SYNE1: variants seen among roughly 807,000 people sequenced by gnomAD.
SYNE1 encodes the protein nesprin-1.
SYNE1 carries 616 observed loss-of-function variants against 1,111.0 expected under a neutral mutation model. That is an observed-to-expected ratio of 0.55 (90% CI 0.52 to 0.59). The LOEUF is 0.59. Among genes scored for constraint, SYNE1 ranks in the 20% least tolerant of loss-of-function variants. The pLI is 0.00. For synonymous variants in SYNE1, 3,855 were observed against 3,825.8 expected, an observed-to-expected ratio of 1.01 and a Z score of -0.28; for missense variants, 10,006 against 10,417.0, an observed-to-expected ratio of 0.96 and a Z score of 1.72.
intron 14 of SYNE1, among the ~76,000 whole-genome samples, chr6:152,475,796 T>C (rs1463720546): frequency 6.6e-6 from 1 of 152,230 alleles, no homozygotes; most frequent in African/African-American, 2.4e-5. Flanking sequence ...GCTGCAGGAA[T>C]GGTCTTTATA....
chr6:152,401,326 A>C lies in SYNE1; in HGVS notation c.6841T>G (p.Leu2281Val). Residue 2281 changes from leucine (L) to valine (V), a missense_variant, in exon 47 of 146, where the codon TTA becomes GTA. By Grantham distance (32) the Leu-to-Val change is conservative. Coordinates refer to ENST00000367255, the MANE Select transcript of SYNE1 (RefSeq NM_182961.4). Reference protein sequence around the residue: ...PPDLQFIEADLMQKLEHAKEI... With the variant: ...PPDLQFIEADVMQKLEHAKEI... The stretch of plus-strand genomic sequence containing the variant: ...TTGGCATGCTCCAGTTTCTGCATTA[A>C]GTCTGCTTCTATAAACTAAATATCA... The C allele has an allele frequency of 6.2e-7, 1 of 1,613,828 alleles. No homozygotes were observed. The highest frequency in any genetic ancestry group is 8.5e-7 in the Non-Finnish European group (1 of 1,179,998).
chr6:152,478,622 T>G (rs1012871696), intron 14 of SYNE1: 1 of 152,334 alleles, frequency 6.6e-6, no homozygotes, highest in African/African-American at 2.4e-5. Flanking sequence ...TTCTGATTGC[T>G]TCTATTTTCT....
At chr6:152,358,096 T>C (rs893190374) in intron 66 of SYNE1, among the ~76,000 whole-genome samples, 1 of 152,138 alleles carries the variant, frequency 6.6e-6, no homozygotes, top group Non-Finnish European at 1.5e-5. Flanking sequence ...GAAAACCCCA[T>C]CAATTAGATC....
At chr6:152,571,302 G>A (rs991114884) in intron 3 of SYNE1, among the ~76,000 whole-genome samples, 2 of 152,178 alleles carry the variant, frequency 1.3e-5, no homozygotes, top group Admixed American at 1.3e-4. Flanking sequence ...CCTTGGCAAT[G>A]ATCTCTAGCT....
chr6:152,397,501 T>C (rs1481274637), intron 49 of SYNE1, among the ~76,000 whole-genome samples: 3 of 152,184 alleles, frequency 2.0e-5, no homozygotes, highest in Non-Finnish European at 4.4e-5. Flanking sequence ...ATGTCACCTG[T>C]TACTCAGGCA....
At chr6:152,185,300 A>T (rs1461245318) in intron 128 of SYNE1, 1 of 152,376 alleles carries the variant, frequency 6.6e-6, no homozygotes, top group East Asian at 1.9e-4. Context: ...TCTCATCGCC[A>T]GTCCCAGGTA....
chr6:152,606,347 C>T (rs2099614738), intron 3 of SYNE1, among the ~76,000 whole-genome samples: 1 of 152,098 alleles, frequency 6.6e-6, no homozygotes, highest in Admixed American at 6.5e-5. Flanking sequence ...GTCCACTGCC[C>T]CCTGTCCAGA....
rs2080213358 is a variant in SYNE1 at position 152,221,675 on chromosome 6, G to A, written c.21523-116C>T. ...ATGTACATATACTTGTATAAACCAG[G>A]CATGACTTAGCACCAATGCTTTATC... is the stretch of plus-strand genomic sequence containing the variant. On this transcript the variant is annotated intron_variant, in intron 117 of 145. Coordinates refer to ENST00000367255, the MANE Select transcript of SYNE1 (RefSeq NM_182961.4). 15 of 1,269,694 alleles carry A rather than the reference G, an allele frequency of 1.2e-5. No individual in the cohort carries two copies. In the South Asian group the frequency reaches 1.8e-4, roughly 16 times the overall value. 78.7% of individuals were successfully genotyped at this position (1,269,694 alleles called of 1,614,324 possible).
chr6:152,434,051 C>T (rs1026903834), intron 33 of SYNE1, 106 bp from the exon 34 acceptor site: 3 of 1,101,496 alleles, frequency 2.7e-6, no homozygotes, highest in Middle Eastern at 2.4e-4. Context: ...ACATTTGTGA[C>T]CATTTCAAAG....
At position 152,330,840 on chromosome 6, in the gene SYNE1, A is replaced by G. The variant is rs780272076; in HGVS notation, c.13845T>C (p.Tyr4615=). 17 of 1,613,978 alleles carry G rather than the reference A, an allele frequency of 1.1e-5. No individual in the cohort carries two copies. In the East Asian group the frequency reaches 3.1e-4, roughly 30 times the overall value. The change falls in exon 78 of 146, where the codon TAT becomes TAC. Residue 4615 remains tyrosine, a synonymous_variant. Coordinates refer to ENST00000367255, the MANE Select transcript of SYNE1 (RefSeq NM_182961.4). ...YQNILEQSPE[Y]ENLLLTLQRT... Reference sequence around the variant, plus strand: ...TCTGCAGCGTAAGTAGAAGATTTTCATATTCTGGAGATTGTTCAAGAATGT... The same window carrying G: ...TCTGCAGCGTAAGTAGAAGATTTTCGTATTCTGGAGATTGTTCAAGAATGT...
rs2099052269 is a variant in SYNE1 at position 152,505,394 on chromosome 6, C to T, written c.585G>A (p.Gln195=). 2 of 1,613,822 alleles carry T rather than the reference C, an allele frequency of 1.2e-6. No individual in the cohort carries two copies. The highest frequency in any genetic ancestry group is 4.5e-5 in the East Asian group (2 of 44,876). ...LKWVQYTAGK[Q]TGIEVKDFGK... is the part of the protein sequence containing the mutation. Reference sequence around the variant, plus strand: ...CAAAATCTTTTACTTCTATTCCAGTCTGCCTTTGTGTTATAAAAACATAAA... The same window carrying T: ...CAAAATCTTTTACTTCTATTCCAGTTTGCCTTTGTGTTATAAAAACATAAA... The change falls in exon 9 of 146, where the codon CAG becomes CAA. Residue 195 remains glutamine, a synonymous_variant. Coordinates refer to ENST00000367255, the MANE Select transcript of SYNE1 (RefSeq NM_182961.4).
At chr6:152,193,807 C>T (rs750265976) in intron 127 of SYNE1, among the ~76,000 whole-genome samples, 10 of 151,910 alleles carry the variant, frequency 6.6e-5, no homozygotes, top group Middle Eastern at 6.8e-3. Context: ...GTTAGGAGAT[C>T]GAAACCATCC....
intron 5 of SYNE1, 114 bp downstream of exon 5, chr6:152,525,966 C>T (rs1045712636): frequency 1.4e-5 from 13 of 932,734 alleles, no homozygotes; most frequent in East Asian, 7.7e-5. Flanking sequence ...CTACCAACCA[C>T]GACAAATAAC....
intron 3 of SYNE1, among the ~76,000 whole-genome samples, chr6:152,617,474 G>A (rs992996483): frequency 6.6e-5 from 10 of 152,084 alleles, no homozygotes; most frequent in Admixed American, 2.6e-4. Context: ...TGTAAGTTAC[G>A]TTTACATTTG....
At chr6:152,495,535 G>A (rs985119798) in intron 11 of SYNE1, among the ~76,000 whole-genome samples, 13 of 152,052 alleles carry the variant, frequency 8.5e-5, no homozygotes, top group Admixed American at 7.9e-4. Flanking sequence ...TCCTCGTAAA[G>A]CAAACTTTTT....
intron 123 of SYNE1, among the ~76,000 whole-genome samples, chr6:152,212,109 T>A (rs1364160607): frequency 6.6e-6 from 1 of 152,174 alleles, no homozygotes; most frequent in Non-Finnish European, 1.5e-5. Flanking sequence ...CTACTGTTTT[T>A]TAAACAACTT....
chr6:152,180,441 A>G (rs2067674373), intron 128 of SYNE1, 147 bp from the exon 129 acceptor site: 1 of 771,340 alleles, frequency 1.3e-6, no homozygotes, highest in African/African-American at 1.8e-5. Flanking sequence ...AGGATTTGCT[A>G]TTATAAAGTG....
intron 126 of SYNE1, among the ~76,000 whole-genome samples, chr6:152,202,783 A>G (rs1043032494): frequency 6.6e-6 from 1 of 152,192 alleles, no homozygotes; most frequent in African/African-American, 2.4e-5. Context: ...TTTAAAAAAA[A>G]AAGAGGATAT....
chr6:152,331,853 A>G lies in SYNE1; in HGVS notation c.12832T>C (p.Leu4278=), dbSNP rs749626940. The G allele has an allele frequency of 6.2e-6, 10 of 1,613,370 alleles. No individual in the cohort carries two copies. In the Admixed American group the frequency reaches 1.7e-4, roughly 27 times the overall value. The change falls in exon 78 of 146, where the codon TTG becomes CTG. Residue 4278 remains leucine (L), a synonymous_variant. Transcript: ENST00000367255. ...AESTAVHLEA[L]KKLALALQER... is the part of the protein sequence containing the mutation. ...TGCAATGCCAATGCTAACTTTTTCAAAGCTTCCAGGTGGACAGCTGTACTC... is the reference window on the plus strand; with the variant it reads ...TGCAATGCCAATGCTAACTTTTTCAGAGCTTCCAGGTGGACAGCTGTACTC...
Sources: gnomAD v4.1 joint callset for allele counts (sites outside exome capture counted in the v4.1 genomes callset) on GRCh38, gnomAD v4.1.1 for gene constraint, MANE v1.5 for transcripts, NCBI Gene and HGNC (gene_info 2026-07-23, HGNC 2026-07-21) for gene names.